Variants in PHIP observed in about 807,000 individuals in gnomAD.
The protein encoded by PHIP is PH-interacting protein.
In PHIP, 54 loss-of-function variants were observed where a neutral mutation model predicts 236.8. The ratio of observed to expected loss-of-function variants is 0.23; its 90% CI spans 0.18 to 0.29. The LOEUF (loss-of-function observed/expected upper bound fraction) is 0.29, where lower values mean the gene tolerates loss of function less well. PHIP is among the 10% of genes least tolerant of loss of function. PHIP has a pLI of 1.00. For synonymous variants in PHIP, 756 were observed against 718.9 expected (o/e 1.05, Z -0.83); for missense variants, 1,370 against 2,190.8 (o/e 0.63, Z 7.48).
chr6:79,042,692 C>A lies in PHIP; in HGVS notation c.600+151G>T, dbSNP rs1772285926. 1.3e-5 allele frequency: 7 copies of A among 534,680 alleles called. No homozygotes were observed. The Admixed American group carries it at 2.3e-4, about 18-fold the overall frequency. 33.1% of individuals were successfully genotyped at this position (534,680 alleles called of 1,614,324 possible). On this transcript the variant is annotated intron_variant, in intron 7 of 39. Transcript: ENST00000275034. ...GAATTTGGATAAAGTCCAAATTTAA[C>A]TAAACTCTTCTGTTAGAGTAAGTGA...
At chr6:79,043,201 T>A (rs902580366) in intron 6 of PHIP, among the ~76,000 whole-genome samples, 198 bp from the exon 7 acceptor site, 1 of 152,116 alleles carries the variant, frequency 6.6e-6, no homozygotes, top group African/African-American at 2.4e-5. Context: ...TCAGGCACTA[T>A]CATTCTCACT....
intron 12 of PHIP, among the ~76,000 whole-genome samples, chr6:79,017,116 G>A (rs1005338376): frequency 1.3e-5 from 2 of 151,822 alleles, no homozygotes; most frequent in African/African-American, 2.4e-5. Flanking sequence ...AATATATAGG[G>A]TGATTTAAAA....
At chr6:79,058,299 T>C (rs994368773) in intron 6 of PHIP, among the ~76,000 whole-genome samples, 5 of 152,118 alleles carry the variant, frequency 3.3e-5, no homozygotes, top group Non-Finnish European at 5.9e-5. Flanking sequence ...ATCTGTTGTC[T>C]CCGACATCCA....
At chr6:78,962,147 A>G (rs1766823091) in intron 30 of PHIP, among the ~76,000 whole-genome samples, 2 of 152,158 alleles carry the variant, frequency 1.3e-5, no homozygotes, top group South Asian at 4.1e-4. Flanking sequence ...AAGCCATTCT[A>G]TTATTAACAC....
Position 78,946,013 on chromosome 6 carries a change from G to A in PHIP, c.4618C>T (p.Pro1540Ser), listed in dbSNP as rs1773791695. The A allele has an allele frequency of 6.2e-7, 1 of 1,605,518 alleles. No homozygotes were observed. The highest frequency in any genetic ancestry group is 1.1e-5 in the South Asian group (1 of 90,912). Residue 1540 changes from proline (P) to serine (S), a missense_variant, in exon 38 of 40, where the codon CCA (proline) becomes TCA (serine). Pro to Ser is a moderately conservative substitution (Grantham distance 74). Coordinates refer to ENST00000275034, the MANE Select transcript of PHIP (RefSeq NM_017934.7). Reference protein sequence around the residue: ...FITKANASAIPGKTILENSVK... With the variant: ...FITKANASAISGKTILENSVK... The stretch of plus-strand genomic sequence containing the variant: ...AAGTGAGTCTTACTTGTTTTCCCTG[G>A]TATTGCAGATGCATTAGCTTTTGTA...
At position 78,995,267 on chromosome 6, in the gene PHIP, A is replaced by G. The variant is rs145647296; in HGVS notation, c.2201+2147T>C. On this transcript the variant is annotated intron_variant, in intron 19 of 39. Coordinates refer to ENST00000275034, the MANE Select transcript of PHIP (RefSeq NM_017934.7). ...ACCATTGTTTAACCATCTACCCACT[A>G]AAATACATCTGGGTATCTTTCTGGC... 6.4e-4 allele frequency among the ~76,000 whole-genome samples: 97 copies of G among 152,366 alleles called. 1 individual carries two copies. The South Asian group carries it at 8.1e-3, about 13-fold the overall frequency.
intron 27 of PHIP, among the ~76,000 whole-genome samples, chr6:78,968,163 A>G (rs1767271483): frequency 6.6e-6 from 1 of 152,264 alleles, no homozygotes; most frequent in African/African-American, 2.4e-5. Context: ...AATTTATCAT[A>G]TCAAGTAATG....
chr6:79,008,366 A>G (rs1239569759), intron 15 of PHIP, among the ~76,000 whole-genome samples: 1 of 152,128 alleles, frequency 6.6e-6, no homozygotes, highest in African/African-American at 2.4e-5. Context: ...AAAATGAAAA[A>G]AAAATTATTA....
intron 6 of PHIP, among the ~76,000 whole-genome samples, chr6:79,048,958 T>C (rs749545340): frequency 3.3e-5 from 5 of 152,176 alleles, no homozygotes; most frequent in African/African-American, 9.7e-5. Context: ...TCAGTAAAAT[T>C]TGGGCCTTTT....
At chr6:79,019,044 T>C (rs1770980082) in intron 10 of PHIP, 45 bp downstream of exon 10, 2 of 1,384,798 alleles carry the variant, frequency 1.4e-6, no homozygotes, top group Non-Finnish European at 2.1e-6. Flanking sequence ...ATAAGGCTTC[T>C]AAATGAACAA....
intron 21 of PHIP, among the ~76,000 whole-genome samples, chr6:78,987,658 T>G (rs1201986298): frequency 1.3e-5 from 2 of 152,106 alleles, no homozygotes; most frequent in Non-Finnish European, 2.9e-5. Context: ...CTTAATAAGA[T>G]TGGTTTATGA....
Position 78,935,397 on chromosome 6 carries a change from C to A in PHIP, c.*5296G>T. On this transcript the variant is annotated 3_prime_UTR_variant, in exon 40 of 40. Transcript: ENST00000275034. ...GATTCTTAGTCAATAAAAATGCATG[C>A]CAATCTGACAAAATTTCTAGGAAAA... The A allele has an allele frequency of 1.8e-6, 1 of 566,196 alleles. No individual in the cohort carries two copies. Among genetic ancestry groups the A allele is most frequent in the Non-Finnish European group, 2.2e-6 (1 of 447,280 alleles). 35.1% of individuals were successfully genotyped at this position (566,196 alleles called of 1,614,324 possible).
chr6:79,036,230 T>C (rs1193549011), intron 7 of PHIP, among the ~76,000 whole-genome samples: 1 of 152,224 alleles, frequency 6.6e-6, no homozygotes, highest in Non-Finnish European at 1.5e-5. Flanking sequence ...AAACTGTTAA[T>C]TGTGGACCAA....
At position 79,078,112 on chromosome 6, in the gene PHIP, C is replaced by T. The variant is rs1395921771; in HGVS notation, c.-44G>A. ...GGCCGCCGACGGGACACCCCGCCGC[C>T]GAGGGGAAGCGGGGACGGTGCCGCC... On this transcript the variant is annotated 5_prime_UTR_variant, in exon 1 of 40. Coordinates refer to ENST00000275034, the MANE Select transcript of PHIP (RefSeq NM_017934.7). 3.1e-6 allele frequency: 5 copies of T among 1,601,506 alleles called. No individual in the cohort carries two copies. Among genetic ancestry groups the T allele is most frequent in the Non-Finnish European group, 4.3e-6 (5 of 1,174,562 alleles).
intron 22 of PHIP, 140 bp downstream of exon 22, chr6:78,985,212 T>C (rs1768788772): frequency 3.2e-6 from 2 of 616,642 alleles, no homozygotes; most frequent in African/African-American, 1.9e-5. Flanking sequence ...TATCAGAAAA[T>C]CTACATTTCA....
At chr6:79,063,561 G>A (rs1386160445) in intron 4 of PHIP, among the ~76,000 whole-genome samples, 1 of 151,854 alleles carries the variant, frequency 6.6e-6, no homozygotes, top group Non-Finnish European at 1.5e-5. Flanking sequence ...AATTACAGGC[G>A]CCCCACCACC....
rs1037479571 is a variant in PHIP at position 78,998,181 on chromosome 6, C to T, written c.2017+73G>A. The stretch of plus-strand genomic sequence containing the variant: ...CGGATGTACCATAATTTTTTTAAAC[C>T]ACTTAACACTGTGGGAGATTTAGGC... On this transcript the variant is annotated intron_variant, in intron 18 of 39. Coordinates refer to ENST00000275034, the MANE Select transcript of PHIP (RefSeq NM_017934.7). 10 of 1,168,870 alleles carry T rather than the reference C, an allele frequency of 8.6e-6. No individual in the cohort carries two copies. The African/African-American group carries it at 9.2e-5, about 11-fold the overall frequency. The allele number at this position is 1,168,870 out of a possible 1,614,324, so 72.4% of individuals were successfully genotyped here. A position where few individuals can be genotyped will look rare whatever the true frequency, so the allele number is the denominator to read the frequency against.
Position 79,032,105 on chromosome 6 carries a change from A to T in PHIP, c.601-5941T>A, listed in dbSNP as rs149261321. ...AGTGTGCAATAGTATTATGTCTTTA[A>T]AAAATGGGCATACATTAACTTAAAA... On this transcript the variant is annotated intron_variant, in intron 7 of 39. Coordinates refer to ENST00000275034, the MANE Select transcript of PHIP (RefSeq NM_017934.7). Among the ~76,000 whole-genome samples the T allele has an allele frequency of 5.8e-3, 886 of 152,346 alleles. 13 individuals carry two copies. The highest frequency in any genetic ancestry group is 0.02 in the African/African-American group (842 of 41,568).
At chr6:78,954,268 A>AT (rs66960387) in intron 35 of PHIP, among the ~76,000 whole-genome samples, 46,856 of 146,984 alleles carry the variant, frequency 0.32, 7,512 homozygotes, top group Non-Finnish European at 0.36. Context: ...CGCCTGGCTA[A>AT]TTTTTTTTTT....
Sources: allele counts gnomAD v4.1 joint callset (sites outside exome capture counted in the v4.1 genomes callset), GRCh38; gene constraint gnomAD v4.1.1; transcripts MANE v1.5; gene names NCBI Gene and HGNC (gene_info 2026-07-23, HGNC 2026-07-21).